PMFBP1: variants seen among roughly 807,000 people sequenced by gnomAD.
PMFBP1 encodes the protein polyamine-modulated factor 1-binding protein 1.
Under a neutral mutation model 137.8 loss-of-function variants are expected in PMFBP1, and 131 were observed. The observed-to-expected ratio is 0.95, with a 90% confidence interval of 0.82 to 1.10. The LOEUF is 1.10. PMFBP1 is among the 50% of genes least tolerant of loss of function. The pLI, the probability that PMFBP1 is intolerant of heterozygous loss-of-function variation, is 0.00. For missense variants in PMFBP1, 1,199 were observed against 1,175.4 expected (o/e 1.02, Z -0.29); for synonymous variants, 490 against 450.4 (o/e 1.09, Z -1.11).
chr16:72,134,881 G>T (rs1466473582), intron 9 of PMFBP1, among the ~76,000 whole-genome samples: 1 of 152,160 alleles, frequency 6.6e-6, no homozygotes, highest in Admixed American at 6.5e-5. Flanking sequence ...GGGTATATCA[G>T]TATTATATAT....
chr16:72,242,807 A>G, the PMFBP1 span, among the ~76,000 whole-genome samples: 3 of 152,250 alleles, frequency 2.0e-5, no homozygotes, highest in Non-Finnish European at 1.5e-5. Context: ...GCCCATATAA[A>G]AAGGCAGTAA....
chr16:72,210,352 T>G, the PMFBP1 span, among the ~76,000 whole-genome samples: 1 of 152,190 alleles, frequency 6.6e-6, no homozygotes, highest in Non-Finnish European at 1.5e-5. Context: ...CAAGTTGGCA[T>G]TTTGGTGTAG....
the PMFBP1 span, among the ~76,000 whole-genome samples, chr16:72,231,618 C>T: frequency 6.6e-6 from 1 of 152,088 alleles, no homozygotes; most frequent in African/African-American, 2.4e-5. Flanking sequence ...CATATCCAAA[C>T]ATTATGGACT....
the PMFBP1 span, among the ~76,000 whole-genome samples, chr16:72,229,599 A>C: frequency 1.3e-5 from 2 of 151,918 alleles, no homozygotes; most frequent in African/African-American, 4.8e-5. Flanking sequence ...CCTTTCTCTA[A>C]TGATTAGTGA....
At chr16:72,191,242 G>A in the PMFBP1 span, among the ~76,000 whole-genome samples, 17 of 152,282 alleles carry the variant, frequency 1.1e-4, no homozygotes, top group East Asian at 1.9e-3. Context: ...TTTCGGAAGC[G>A]CAGGGTATAG....
intron 2 of PMFBP1, among the ~76,000 whole-genome samples, chr16:72,166,576 A>C (rs549676270): frequency 6.6e-6 from 1 of 152,348 alleles, no homozygotes; most frequent in East Asian, 1.9e-4. Flanking sequence ...CACTCCCAAG[A>C]AAAACCAGCA....
At chr16:72,208,533 T>C in the PMFBP1 span, among the ~76,000 whole-genome samples, 9 of 152,266 alleles carry the variant, frequency 5.9e-5, no homozygotes, top group African/African-American at 1.7e-4. Flanking sequence ...TTAAAGTAGT[T>C]TGCATTTTTG....
At chr16:72,207,237 G>C in the PMFBP1 span, among the ~76,000 whole-genome samples, 1 of 152,146 alleles carries the variant, frequency 6.6e-6, no homozygotes, top group African/African-American at 2.4e-5. Flanking sequence ...ATGAGGAGGA[G>C]GCTGGGCTAG....
At chr16:72,248,108 A>T in the PMFBP1 span, among the ~76,000 whole-genome samples, 1 of 152,202 alleles carries the variant, frequency 6.6e-6, no homozygotes, top group Admixed American at 6.5e-5. Flanking sequence ...AGTGTTCTAA[A>T]GTGATAGCAA....
chr16:72,189,697 C>T, the PMFBP1 span, among the ~76,000 whole-genome samples: 18 of 152,102 alleles, frequency 1.2e-4, no homozygotes, highest in African/African-American at 4.3e-4. Context: ...CTGCCTGCTG[C>T]AAAGATAAGA....
chr16:72,152,742 G>C (rs1321500206), intron 4 of PMFBP1, among the ~76,000 whole-genome samples: 1 of 151,760 alleles, frequency 6.6e-6, no homozygotes, highest in Non-Finnish European at 1.5e-5. Context: ...CTACTCAGGA[G>C]GCTGTGGCAG....
the PMFBP1 span, among the ~76,000 whole-genome samples, chr16:72,195,858 T>C: frequency 1.3e-5 from 2 of 152,244 alleles, no homozygotes; most frequent in Non-Finnish European, 2.9e-5. Context: ...CTTGGCTGAG[T>C]AGGGCCTGCA....
chr16:72,133,908 G>T (rs958250116), intron 9 of PMFBP1, among the ~76,000 whole-genome samples: 1 of 152,120 alleles, frequency 6.6e-6, no homozygotes. Context: ...CTTGAAGTCA[G>T]GAGTTAGAGA....
At chr16:72,182,482 T>G in the PMFBP1 span, among the ~76,000 whole-genome samples, 5 of 109,754 alleles carry the variant, frequency 4.6e-5, no homozygotes, top group African/African-American at 1.1e-4. Context: ...AGCAACAGAG[T>G]GAAACTCTGC....
At chr16:72,133,389 G>A (rs756199904) in intron 9 of PMFBP1, among the ~76,000 whole-genome samples, 3 of 151,978 alleles carry the variant, frequency 2.0e-5, no homozygotes, top group Admixed American at 6.6e-5. Context: ...ATGTTGGCCC[G>A]GCTGGTCTCA....
chr16:72,223,780 A>G, the PMFBP1 span, among the ~76,000 whole-genome samples: 17 of 152,336 alleles, frequency 1.1e-4, no homozygotes, highest in South Asian at 3.5e-3. Context: ...ATGGGGCTAC[A>G]GGACTTACCT....
At position 72,130,357 on chromosome 16, in the gene PMFBP1, T is replaced by C. The variant is rs763172216; in HGVS notation, c.1638A>G (p.Arg546=). The C allele has an allele frequency of 6.2e-7, 1 of 1,614,170 alleles. No homozygotes were observed. Among genetic ancestry groups the C allele is most frequent in the Admixed American group, 1.7e-5 (1 of 60,018 alleles). Residue 546 remains arginine, a splice_region_variant and synonymous_variant, in exon 12 of 21, where the codon AGA becomes AGG. Transcript: ENST00000237353. ...CTAATGACAGCTCCTCCACCCGTTT[T>C]CTAAAGCAAAATAACAGCCACAGGA... ...SMAEKEQTSN[R]KRVEELSLEL...
chr16:72,182,768 C>T, the PMFBP1 span, among the ~76,000 whole-genome samples: 4 of 152,314 alleles, frequency 2.6e-5, no homozygotes, highest in Non-Finnish European at 5.9e-5. Flanking sequence ...GTTAATGTTT[C>T]AACATTTGAA....
chr16:72,179,288 G>A (rs1231474500), upstream of PMFBP1, among the ~76,000 whole-genome samples: 2 of 152,176 alleles, frequency 1.3e-5, no homozygotes, highest in African/African-American at 2.4e-5. Context: ...TAGAGCCCCT[G>A]GTGCTATGGG....
Sources: allele counts gnomAD v4.1 joint callset (sites outside exome capture counted in the v4.1 genomes callset), GRCh38; gene constraint gnomAD v4.1.1; transcripts MANE v1.5; gene names NCBI Gene and HGNC (gene_info 2026-07-23, HGNC 2026-07-21).